BMPR2: variants seen among roughly 807,000 people sequenced by gnomAD.
BMPR2 encodes the protein bone morphogenetic protein receptor type 2, also known as bone morphogenetic protein receptor type-2.
In BMPR2, 29 loss-of-function variants were observed where a neutral mutation model predicts 100.8. That is an observed-to-expected ratio of 0.29 (90% confidence interval 0.21 to 0.39). The LOEUF is 0.39. BMPR2 is among the 10% of genes least tolerant of loss of function. BMPR2 has a pLI of 1.00. For synonymous variants in BMPR2, 382 were observed against 442.3 expected (o/e 0.86, Z 1.71); for missense variants, 1,011 against 1,274.5 (o/e 0.79, Z 3.15).
intron 1 of BMPR2, among the ~76,000 whole-genome samples, chr2:202,380,314 A>G (rs541293337): frequency 6.6e-6 from 1 of 152,356 alleles, no homozygotes; most frequent in Admixed American, 6.5e-5. Flanking sequence ...TGCGTTTTAA[A>G]TAATTCACTT....
At chr2:202,440,195 G>A (rs1205034532) in intron 1 of BMPR2, among the ~76,000 whole-genome samples, 1 of 150,464 alleles carries the variant, frequency 6.6e-6, no homozygotes, top group Non-Finnish European at 1.5e-5. Context: ...CGACAAAACC[G>A]CCATCCTCAT....
intron 1 of BMPR2, among the ~76,000 whole-genome samples, chr2:202,400,341 C>T (rs142181466): frequency 4.2e-5 from 6 of 143,408 alleles, no homozygotes; most frequent in East Asian, 4.1e-4. Context: ...GTAGAGACAA[C>T]GTCTCGCTAT....
chr2:202,490,552 C>G (rs1438941428), intron 3 of BMPR2, among the ~76,000 whole-genome samples: 1 of 152,234 alleles, frequency 6.6e-6, no homozygotes, highest in Non-Finnish European at 1.5e-5. Context: ...TTTTCTCACT[C>G]TGCTAGCTTT....
intron 3 of BMPR2, among the ~76,000 whole-genome samples, chr2:202,472,097 A>T (rs1423498375): frequency 2.0e-5 from 3 of 152,224 alleles, no homozygotes; most frequent in Non-Finnish European, 4.4e-5. Flanking sequence ...TTTAAAGTTT[A>T]AAAAGTTAAA....
At position 202,486,475 on chromosome 2, in the gene BMPR2, C is replaced by CA. The variant is rs567732108; in HGVS notation, c.418+18793dup. Among the ~76,000 whole-genome samples the CA allele has an allele frequency of 2.0e-4, 31 of 151,932 alleles. No homozygotes were observed. In the East Asian group the frequency reaches 4.5e-3, roughly 22 times the overall value. ...GAAACCCCATCCCTACTAAAAAATA[C>CA]AAAAAAACTTAGCCTGCCTGGTGGT... On this transcript the variant is annotated intron_variant, in intron 3 of 12. Transcript: ENST00000374580.
intron 7 of BMPR2, among the ~76,000 whole-genome samples, chr2:202,528,522 G>T (rs528496825): frequency 9.9e-5 from 15 of 152,192 alleles, no homozygotes; most frequent in Admixed American, 9.8e-4. Flanking sequence ...AGAAAGAAAA[G>T]AAAAAAGATC....
At chr2:202,541,657 C>T (rs1249687905) in intron 9 of BMPR2, among the ~76,000 whole-genome samples, 4 of 152,072 alleles carry the variant, frequency 2.6e-5, no homozygotes, top group African/African-American at 4.8e-5. Flanking sequence ...GATCAGTGTT[C>T]AGGCATGTTT....
At position 202,564,609 on chromosome 2, in the gene BMPR2, A is replaced by T. The variant is rs1171513576; in HGVS notation, c.*4663A>T. 1.3e-5 allele frequency: 2 copies of T among 152,264 alleles called. No individual in the cohort carries two copies. The highest frequency in any genetic ancestry group is 2.9e-5 in the Non-Finnish European group (2 of 68,042). 9.4% of individuals were successfully genotyped at this position (152,264 alleles called of 1,614,324 possible). On this transcript the variant is annotated 3_prime_UTR_variant, in exon 13 of 13. Coordinates refer to ENST00000374580, the MANE Select transcript of BMPR2 (RefSeq NM_001204.7). ...CCCTCCTAAATATATTCCTTGATTA[A>T]GTAAATCTGGCAAATCACTGTTTGA...
chr2:202,559,648 T>C (rs1237973215), intron 12 of BMPR2, 48 bp from the exon 13 acceptor site: 1 of 1,600,142 alleles, frequency 6.2e-7, no homozygotes, highest in Admixed American at 1.7e-5. Context: ...TTACCCGTTA[T>C]TTCTTAAGTT....
chr2:202,502,514 A>G (rs1687414937), intron 3 of BMPR2, among the ~76,000 whole-genome samples: 1 of 152,228 alleles, frequency 6.6e-6, no homozygotes, highest in African/African-American at 2.4e-5. Context: ...AGTATACCCT[A>G]TTCCTTTAAA....
chr2:202,511,271 C>T (rs1687618851), intron 3 of BMPR2, among the ~76,000 whole-genome samples: 1 of 152,106 alleles, frequency 6.6e-6, no homozygotes, highest in African/African-American at 2.4e-5. Flanking sequence ...TTTGTAAATC[C>T]TTTGTAGGAA....
At chr2:202,456,669 C>T (rs1479598629) in intron 1 of BMPR2, among the ~76,000 whole-genome samples, 3 of 151,756 alleles carry the variant, frequency 2.0e-5, no homozygotes, top group African/African-American at 7.3e-5. Context: ...CGTGTGCCAC[C>T]ACACCCGGCT....
intron 2 of BMPR2, among the ~76,000 whole-genome samples, chr2:202,466,019 C>G (rs1692313564): frequency 6.6e-6 from 1 of 152,074 alleles, no homozygotes; most frequent in African/African-American, 2.4e-5. Context: ...ACAGATTATT[C>G]TATTGGTAGA....
chr2:202,552,680 A>T (rs776492493), intron 10 of BMPR2, 36 bp from the exon 11 acceptor site: 633 of 1,501,566 alleles, frequency 4.2e-4, no homozygotes, highest in East Asian at 1.1e-3. Flanking sequence ...TTTTTTTTTT[A>T]AAGACACATG....
chr2:202,535,943 G>A (rs1486090186), intron 9 of BMPR2, among the ~76,000 whole-genome samples: 3 of 151,654 alleles, frequency 2.0e-5, no homozygotes, highest in Admixed American at 1.3e-4. Context: ...GCGTGGCGGC[G>A]CGTGCCTGCA....
chr2:202,518,848 A>G lies in BMPR2; in HGVS notation c.648A>G (p.Ala216=). The change falls in exon 6 of 13, where the codon GCA becomes GCG. Residue 216 remains alanine, a synonymous_variant. Transcript: ENST00000374580. ...TGATTGGCCGAGGTCGATATGGAGC[A>G]GTATATAAAGGCTCCTTGGATGAGC... ...LELIGRGRYG[A]VYKGSLDERP... is the part of the protein sequence containing the mutation. The G allele has an allele frequency of 6.2e-7, 1 of 1,614,248 alleles. No homozygotes were observed. The highest frequency in any genetic ancestry group is 1.7e-5 in the Admixed American group (1 of 60,030).
At chr2:202,534,465 AC>A (rs1427681551) in intron 9 of BMPR2, among the ~76,000 whole-genome samples, 3 of 151,784 alleles carry the variant, frequency 2.0e-5, no homozygotes, top group African/African-American at 7.3e-5. Flanking sequence ...ATGACTCTTA[AC>A]GAGCATGCTG....
rs552802500 is a variant in BMPR2 at position 202,481,442 on chromosome 2, G to C, written c.418+13753G>C. On this transcript the variant is annotated intron_variant, in intron 3 of 12. Transcript: ENST00000374580. ...GATCCGCCTGCCTCAGCCTCCCAAA[G>C]TGCTGGGATTACAGGCGAGAGACAC... Among the ~76,000 whole-genome samples, 61 of 152,254 alleles carry C rather than the reference G, an allele frequency of 4.0e-4. 1 individual carries two copies. Among genetic ancestry groups the C allele is most frequent in the African/African-American group, 1.0e-3 (43 of 41,554 alleles).
In BMPR2 at chr2:202,561,918, G is replaced by A. The variant is rs189804689; in HGVS notation, c.*1972G>A. ...TCTTGTTAGTGCCCAGGATTTCCAC[G>A]TTTTGTGTTTTATTGGCCCTTTTCT... On this transcript the variant is annotated 3_prime_UTR_variant, in exon 13 of 13. Coordinates refer to ENST00000374580, the MANE Select transcript of BMPR2 (RefSeq NM_001204.7). The A allele has an allele frequency of 5.0e-4, 76 of 152,096 alleles. No individual in the cohort carries two copies. Among genetic ancestry groups the A allele is most frequent in the African/African-American group, 1.8e-3 (73 of 41,500 alleles). 9.4% of individuals were successfully genotyped at this position (152,096 alleles called of 1,614,324 possible). A position where few individuals can be genotyped will look rare whatever the true frequency, so the allele number is the denominator to read the frequency against.
Sources: allele counts gnomAD v4.1 joint callset (sites outside exome capture counted in the v4.1 genomes callset), GRCh38; gene constraint gnomAD v4.1.1; transcripts MANE v1.5; gene names NCBI Gene and HGNC (gene_info 2026-07-23, HGNC 2026-07-21).